Variants in ITGBL1 observed in about 807,000 individuals in gnomAD.
The protein encoded by ITGBL1 is integrin subunit beta like 1.
Under a neutral mutation model 68.5 loss-of-function variants are expected in ITGBL1, and 51 were observed. The ratio of observed to expected loss-of-function variants is 0.74; its 90% CI spans 0.59 to 0.94. The LOEUF is 0.94. Among genes scored for constraint, ITGBL1 ranks in the 40% least tolerant of loss-of-function variants. The pLI is 0.00. For missense variants in ITGBL1, 649 were observed against 647.4 expected, an observed-to-expected ratio of 1.00 and a Z score of -0.03; for synonymous variants, 209 against 227.3, an observed-to-expected ratio of 0.92 and a Z score of 0.72.
At position 101,558,045 on chromosome 13, in the gene ITGBL1, C is replaced by T. The variant is rs143749615; in HGVS notation, c.317-9654C>T. Among the ~76,000 whole-genome samples the T allele has an allele frequency of 8.9e-3, 1,101 of 123,456 alleles. 15 individuals carry two copies. Among genetic ancestry groups the T allele is most frequent in the African/African-American group, 0.033 (1,039 of 31,656 alleles). The allele number at this position is 123,456 out of a possible 152,430, so 81.0% of individuals were successfully genotyped here. ...CGGAGGTTGCAGTGAGCCGAGATCG[C>T]GCCACTCCAGCCTGGGAGACAGAGC... On this transcript the variant is annotated intron_variant, in intron 2 of 10. Transcript: ENST00000376180.
chr13:101,612,978 T>A (rs2031204444), intron 7 of ITGBL1, among the ~76,000 whole-genome samples: 1 of 152,108 alleles, frequency 6.6e-6, no homozygotes, highest in Non-Finnish European at 1.5e-5. Flanking sequence ...GGGGCAGGGA[T>A]GGAAGAGATG....
chr13:101,593,677 C>G lies in ITGBL1; in HGVS notation c.869-4476C>G, dbSNP rs571360740. Reference sequence around the variant, plus strand: ...AATAAGGCACAGAAAGACCTTATTTCAAAACCTAAAAAATTGGAATCTAAA... The same window carrying G: ...AATAAGGCACAGAAAGACCTTATTTGAAAACCTAAAAAATTGGAATCTAAA... On this transcript the variant is annotated intron_variant, in intron 6 of 10. Transcript: ENST00000376180. Among the ~76,000 whole-genome samples the G allele has an allele frequency of 5.3e-5, 8 of 152,012 alleles. No homozygotes were observed. In the East Asian group the frequency reaches 1.5e-3, roughly 29 times the overall value.
At chr13:101,690,382 A>G (rs1258573286) in intron 7 of ITGBL1, among the ~76,000 whole-genome samples, 1 of 152,204 alleles carries the variant, frequency 6.6e-6, no homozygotes, top group Non-Finnish European at 1.5e-5. Context: ...ATTACTTAAA[A>G]TTACTTAAAA....
At chr13:101,639,271 G>A (rs963797977) in intron 7 of ITGBL1, among the ~76,000 whole-genome samples, 25 of 152,138 alleles carry the variant, frequency 1.6e-4, no homozygotes, top group East Asian at 3.9e-4. Flanking sequence ...TTTTCTACTC[G>A]TGGCCAATAT....
At chr13:101,488,680 C>G (rs1467710035) in intron 2 of ITGBL1, among the ~76,000 whole-genome samples, 1 of 152,146 alleles carries the variant, frequency 6.6e-6, no homozygotes, top group Non-Finnish European at 1.5e-5. Flanking sequence ...GTGAACCCCC[C>G]ACTACAACCT....
chr13:101,577,757 C>G (rs887603576), intron 4 of ITGBL1, among the ~76,000 whole-genome samples: 1 of 151,856 alleles, frequency 6.6e-6, no homozygotes, highest in Non-Finnish European at 1.5e-5. Context: ...TCAGTGTAAT[C>G]CTTGAGTTCT....
intron 2 of ITGBL1, among the ~76,000 whole-genome samples, chr13:101,496,932 C>T (rs888300760): frequency 2.0e-5 from 3 of 152,124 alleles, no homozygotes; most frequent in Admixed American, 1.3e-4. Context: ...TTCACAGGGG[C>T]CTGTGGAAAG....
chr13:101,585,730 G>T (rs1362796159), intron 6 of ITGBL1, among the ~76,000 whole-genome samples: 1 of 152,050 alleles, frequency 6.6e-6, no homozygotes, highest in African/African-American at 2.4e-5. Flanking sequence ...TCCCCCGGCG[G>T]CAATGTCATT....
intron 2 of ITGBL1, among the ~76,000 whole-genome samples, chr13:101,524,815 A>C (rs2049346936): frequency 6.6e-6 from 1 of 152,016 alleles, no homozygotes. Context: ...TCACTGATGT[A>C]ATTTTGCATT....
chr13:101,520,634 C>T (rs150271720), intron 2 of ITGBL1, among the ~76,000 whole-genome samples: 3 of 152,276 alleles, frequency 2.0e-5, no homozygotes, highest in African/African-American at 7.2e-5. Context: ...GCACCCTGCT[C>T]ACTCCGTGGG....
At chr13:101,557,026 T>C (rs2050018183) in intron 2 of ITGBL1, among the ~76,000 whole-genome samples, 1 of 152,192 alleles carries the variant, frequency 6.6e-6, no homozygotes, top group South Asian at 2.1e-4. Context: ...CATTGGAGCC[T>C]GCACTCCACA....
At chr13:101,541,155 A>G (rs1431897511) in intron 2 of ITGBL1, among the ~76,000 whole-genome samples, 2 of 148,958 alleles carry the variant, frequency 1.3e-5, no homozygotes, top group Non-Finnish European at 3.0e-5. Context: ...GAATGCTTCC[A>G]TTTTTGCCCA....
intron 7 of ITGBL1, among the ~76,000 whole-genome samples, chr13:101,632,515 A>G (rs1283690917): frequency 1.3e-5 from 2 of 152,236 alleles, no homozygotes; most frequent in African/African-American, 4.8e-5. Flanking sequence ...TGACCTAGCA[A>G]TGTCACATAG....
intron 7 of ITGBL1, among the ~76,000 whole-genome samples, chr13:101,601,524 T>C (rs185256326): frequency 5.4e-4 from 83 of 152,334 alleles, no homozygotes; most frequent in African/African-American, 1.4e-3. Context: ...TTAATTGTGA[T>C]GTTAGGTTGT....
chr13:101,682,516 C>T (rs994201855), intron 7 of ITGBL1, among the ~76,000 whole-genome samples: 18 of 151,898 alleles, frequency 1.2e-4, no homozygotes, highest in African/African-American at 3.4e-4. Context: ...GGTAACTTTC[C>T]TAAAAGTGTA....
chr13:101,689,363 A>AT (rs1310615990), intron 7 of ITGBL1, among the ~76,000 whole-genome samples: 1 of 152,090 alleles, frequency 6.6e-6, no homozygotes, highest in Non-Finnish European at 1.5e-5. Context: ...AATTTACCTG[A>AT]TAGGTATATG....
chr13:101,652,024 G>A (rs866066675), intron 7 of ITGBL1, among the ~76,000 whole-genome samples: 6 of 152,140 alleles, frequency 3.9e-5, no homozygotes, highest in Middle Eastern at 3.4e-3. Flanking sequence ...TGTTGCATTG[G>A]TCTATGTGTC....
chr13:101,539,048 TTC>T (rs1463438617), intron 2 of ITGBL1, among the ~76,000 whole-genome samples: 7 of 128,068 alleles, frequency 5.5e-5, no homozygotes, highest in East Asian at 2.4e-4. Context: ...GCTGTGCTGC[TTC>T]TTTTTTTTTT....
At chr13:101,551,043 G>A (rs1227774993) in intron 2 of ITGBL1, among the ~76,000 whole-genome samples, 4 of 152,164 alleles carry the variant, frequency 2.6e-5, no homozygotes, top group African/African-American at 9.7e-5. Context: ...GCACTGGGGT[G>A]TATGGATTTT....
Sources: allele counts gnomAD v4.1 joint callset (sites outside exome capture counted in the v4.1 genomes callset), GRCh38; gene constraint gnomAD v4.1.1; transcripts MANE v1.5; gene names NCBI Gene and HGNC (gene_info 2026-07-23, HGNC 2026-07-21).